SLC9A9: variants seen among roughly 807,000 people sequenced by gnomAD.
SLC9A9 encodes the protein sodium/hydrogen exchanger 9.
SLC9A9 carries 62 observed loss-of-function variants against 77.8 expected under a neutral mutation model. The observed-to-expected ratio is 0.80, with a 90% CI of 0.65 to 0.98. SLC9A9 has a LOEUF of 0.98. Among genes scored for constraint, SLC9A9 ranks in the 50% least tolerant of loss-of-function variants. The pLI, the probability that SLC9A9 is intolerant of heterozygous loss-of-function variation, is 0.00. For synonymous variants in SLC9A9, 320 were observed against 283.5 expected, an observed-to-expected ratio of 1.13 and a Z score of -1.29; for missense variants, 775 against 774.9, an observed-to-expected ratio of 1.00 and a Z score of 0.00.
At chr3:143,693,049 G>T in intron 5 of SLC9A9, 143 bp downstream of exon 5, 2 of 662,202 alleles carry the variant, frequency 3.0e-6, no homozygotes, top group Non-Finnish European at 5.3e-6. Context: ...CTTTTCTTTT[G>T]TAATTACTAA....
intron 12 of SLC9A9, among the ~76,000 whole-genome samples, chr3:143,405,553 G>A (rs1307298016): frequency 6.6e-6 from 1 of 152,176 alleles, no homozygotes; most frequent in East Asian, 1.9e-4. Flanking sequence ...TGGTGATTGG[G>A]TCCCCAATAT....
intron 14 of SLC9A9, among the ~76,000 whole-genome samples, chr3:143,287,545 G>C (rs968990463): frequency 6.6e-6 from 1 of 152,098 alleles, no homozygotes; most frequent in Non-Finnish European, 1.5e-5. Context: ...GGAGCAGATC[G>C]TCCATTGTTC....
At chr3:143,299,035 G>T (rs2030403150) in intron 14 of SLC9A9, among the ~76,000 whole-genome samples, 1 of 152,138 alleles carries the variant, frequency 6.6e-6, no homozygotes, top group African/African-American at 2.4e-5. Flanking sequence ...CTGTATTATT[G>T]TATGCTCGGT....
chr3:143,837,987 G>A (rs2009611418), intron 1 of SLC9A9, among the ~76,000 whole-genome samples: 1 of 152,208 alleles, frequency 6.6e-6, no homozygotes, highest in Admixed American at 6.5e-5. Context: ...AACAGTAGGT[G>A]CTGAATCAAA....
chr3:143,787,620 A>C (rs980829453), intron 4 of SLC9A9, among the ~76,000 whole-genome samples: 1 of 152,132 alleles, frequency 6.6e-6, no homozygotes, highest in Admixed American at 6.6e-5. Flanking sequence ...GTCATCATAG[A>C]TGACTTTATT....
intron 12 of SLC9A9, among the ~76,000 whole-genome samples, chr3:143,441,547 A>C (rs1398557000): frequency 1.3e-5 from 2 of 152,174 alleles, no homozygotes; most frequent in African/African-American, 4.8e-5. Flanking sequence ...AAACATATGC[A>C]TCCTTCAAGC....
intron 6 of SLC9A9, among the ~76,000 whole-genome samples, chr3:143,623,582 A>G (rs559812394): frequency 1.3e-5 from 2 of 152,220 alleles, no homozygotes; most frequent in South Asian, 4.1e-4. Flanking sequence ...CAAAGACACA[A>G]CATACCAGAA....
At chr3:143,666,703 C>G (rs540595595) in intron 5 of SLC9A9, among the ~76,000 whole-genome samples, 1 of 151,978 alleles carries the variant, frequency 6.6e-6, no homozygotes, top group Admixed American at 6.6e-5. Context: ...AGACAGAGAG[C>G]CAAAGCATGA....
intron 14 of SLC9A9, among the ~76,000 whole-genome samples, chr3:143,357,051 T>C (rs1354514541): frequency 6.6e-6 from 1 of 152,254 alleles, no homozygotes; most frequent in Non-Finnish European, 1.5e-5. Context: ...GCAGTTATAA[T>C]GCCATGTGCA....
chr3:143,805,781 T>C (rs147739989), intron 2 of SLC9A9, among the ~76,000 whole-genome samples: 1,539 of 152,196 alleles, frequency 0.01, 26 homozygotes, highest in African/African-American at 0.035. Flanking sequence ...TTCCATTACC[T>C]ACCCAAATCC....
chr3:143,383,336 C>A (rs932623642), intron 12 of SLC9A9, among the ~76,000 whole-genome samples: 7 of 152,296 alleles, frequency 4.6e-5, no homozygotes, highest in Non-Finnish European at 7.3e-5. Context: ...CTTAGCCATG[C>A]ACAGAAGTGA....
intron 8 of SLC9A9, among the ~76,000 whole-genome samples, chr3:143,573,356 A>G (rs1451762730): frequency 6.6e-6 from 1 of 152,112 alleles, no homozygotes; most frequent in Non-Finnish European, 1.5e-5. Flanking sequence ...TTGAGGAGAG[A>G]AAGAGCATTA....
At chr3:143,324,253 G>GCC (rs2031509507) in intron 14 of SLC9A9, among the ~76,000 whole-genome samples, 6 of 152,192 alleles carry the variant, frequency 3.9e-5, no homozygotes, top group Admixed American at 3.9e-4. Flanking sequence ...TCCCCAGGCA[G>GCC]TGGGTGAGCC....
At chr3:143,801,713 C>T (rs557257839) in intron 2 of SLC9A9, among the ~76,000 whole-genome samples, 15 of 152,192 alleles carry the variant, frequency 9.9e-5, no homozygotes, top group Non-Finnish European at 1.6e-4. Flanking sequence ...ATATATCTTC[C>T]ACATCTATCA....
intron 14 of SLC9A9, among the ~76,000 whole-genome samples, chr3:143,290,674 C>G (rs1185603053): frequency 6.6e-6 from 1 of 152,168 alleles, no homozygotes; most frequent in African/African-American, 2.4e-5. Flanking sequence ...GAGTGGGTCC[C>G]AAAGTGTGTT....
intron 14 of SLC9A9, among the ~76,000 whole-genome samples, chr3:143,320,462 C>G (rs2031378387): frequency 6.6e-6 from 1 of 152,214 alleles, no homozygotes; most frequent in Non-Finnish European, 1.5e-5. Context: ...GTTCTGCAGG[C>G]TGTCCAGAAG....
At chr3:143,673,448 A>G (rs959569579) in intron 5 of SLC9A9, among the ~76,000 whole-genome samples, 1 of 152,096 alleles carries the variant, frequency 6.6e-6, no homozygotes, top group Non-Finnish European at 1.5e-5. Flanking sequence ...GTCAAATCAC[A>G]AAGAAAATGC....
At chr3:143,601,869 C>T (rs1404087037) in intron 6 of SLC9A9, among the ~76,000 whole-genome samples, 1 of 151,992 alleles carries the variant, frequency 6.6e-6, no homozygotes, top group African/African-American at 2.4e-5. Context: ...GGCATTGTGC[C>T]ATGCCCCCCA....
chr3:143,344,477 A>G (rs2032201764), intron 14 of SLC9A9: 10 of 152,216 alleles, frequency 6.6e-5, no homozygotes, highest in Admixed American at 6.5e-4. Flanking sequence ...GCCAAGTTAC[A>G]GATCTCTTAA....
Sources: gnomAD v4.1 joint callset for allele counts (sites outside exome capture counted in the v4.1 genomes callset) on GRCh38, gnomAD v4.1.1 for gene constraint, MANE v1.5 for transcripts, NCBI Gene and HGNC (gene_info 2026-07-23, HGNC 2026-07-21) for gene names.